ABCB1: variants seen among roughly 807,000 people sequenced by gnomAD.
ABCB1 encodes the protein ATP binding cassette subfamily B member 1.
In ABCB1, 69 loss-of-function variants were observed where a neutral mutation model predicts 142.0. The observed-to-expected ratio is 0.49, with a 90% confidence interval of 0.40 to 0.59. The LOEUF (loss-of-function observed/expected upper bound fraction) is 0.59, where lower values mean the gene tolerates loss of function less well. ABCB1 is among the 20% of genes least tolerant of loss of function. The probability of loss-of-function intolerance (pLI) is 0.00; values close to 1 mark genes in which losing one functional copy is unlikely to be tolerated. For missense variants in ABCB1, 1,326 were observed against 1,554.7 expected, an observed-to-expected ratio of 0.85 and a Z score of 2.47; for synonymous variants, 532 against 539.2, an observed-to-expected ratio of 0.99 and a Z score of 0.18.
chr7:87,642,315 T>C (rs958329702), intron 1 of ABCB1, among the ~76,000 whole-genome samples: 1 of 152,208 alleles, frequency 6.6e-6, no homozygotes, highest in South Asian at 2.1e-4. Flanking sequence ...CCATGAAGAC[T>C]ATATGTTATG....
At chr7:87,525,123 C>T (rs1008212488) in intron 21 of ABCB1, among the ~76,000 whole-genome samples, 1 of 152,044 alleles carries the variant, frequency 6.6e-6, no homozygotes, top group Non-Finnish European at 1.5e-5. Context: ...TAATTAGCAC[C>T]CCGCATCCTC....
At chr7:87,561,049 C>G (rs1410147675) in intron 8 of ABCB1, among the ~76,000 whole-genome samples, 4 of 152,038 alleles carry the variant, frequency 2.6e-5, no homozygotes, top group Non-Finnish European at 5.9e-5. Flanking sequence ...ATGTTATTGC[C>G]CATCTAGAAA....
chr7:87,545,114 A>T, intron 15 of ABCB1, 115 bp from the exon 16 acceptor site: 1 of 906,060 alleles, frequency 1.1e-6, no homozygotes, highest in Non-Finnish European at 1.7e-6. Context: ...AACTGCAGAA[A>T]AGGATAAAGC....
chr7:87,526,912 T>C (rs1447318304), intron 21 of ABCB1, among the ~76,000 whole-genome samples: 1 of 152,172 alleles, frequency 6.6e-6, no homozygotes, highest in Admixed American at 6.5e-5. Flanking sequence ...TACAAAACAG[T>C]AGAGTTAGCC....
intron 1 of ABCB1, among the ~76,000 whole-genome samples, chr7:87,684,297 T>C (rs1220814485): frequency 3.9e-5 from 6 of 152,204 alleles, no homozygotes; most frequent in African/African-American, 1.4e-4. Flanking sequence ...TCTCAAAGTT[T>C]TAGAAGGCTT....
At chr7:87,587,799 T>C (rs555978607) in intron 3 of ABCB1, among the ~76,000 whole-genome samples, 13 of 142,284 alleles carry the variant, frequency 9.1e-5, no homozygotes, top group African/African-American at 2.7e-4. Flanking sequence ...GGTGTGAACC[T>C]GGGAGGCGGA....
chr7:87,556,959 A>C (rs1429130175), intron 8 of ABCB1, among the ~76,000 whole-genome samples: 1 of 152,042 alleles, frequency 6.6e-6, no homozygotes, highest in East Asian at 1.9e-4. Context: ...GAAACTTGGA[A>C]GACTCTTCTT....
intron 1 of ABCB1, chr7:87,627,655 C>G (rs934734776): frequency 6.6e-6 from 1 of 152,284 alleles, no homozygotes; most frequent in African/African-American, 2.4e-5. Flanking sequence ...CTTCCGAACA[C>G]GCGCGTCGAG....
intron 1 of ABCB1, among the ~76,000 whole-genome samples, chr7:87,710,216 C>T (rs1583956108): frequency 6.6e-6 from 1 of 152,082 alleles, no homozygotes. Flanking sequence ...TGAGAGGGCT[C>T]ATTTTAATTA....
intron 8 of ABCB1, among the ~76,000 whole-genome samples, chr7:87,557,397 T>C (rs1258967897): frequency 2.0e-5 from 3 of 152,218 alleles, no homozygotes; most frequent in African/African-American, 4.8e-5. Context: ...AAATAAACTT[T>C]AAAGAAATGG....
intron 1 of ABCB1, among the ~76,000 whole-genome samples, chr7:87,695,405 G>A (rs1376114962): frequency 1.3e-5 from 2 of 152,036 alleles, no homozygotes; most frequent in African/African-American, 4.8e-5. Flanking sequence ...ACTTGGGATT[G>A]CTGCTACAAA....
At chr7:87,606,717 T>A (rs28381793) in intron 1 of ABCB1, among the ~76,000 whole-genome samples, 1 of 152,098 alleles carries the variant, frequency 6.6e-6, no homozygotes, top group Non-Finnish European at 1.5e-5. Context: ...GATAAAGATA[T>A]CAAAGTGTCA....
intron 1 of ABCB1, among the ~76,000 whole-genome samples, chr7:87,606,906 G>A (rs1230393556): frequency 1.3e-5 from 2 of 152,120 alleles, no homozygotes; most frequent in African/African-American, 4.8e-5. Flanking sequence ...TCTCAGTGGA[G>A]TTTGCTCCTT....
In ABCB1 at chr7:87,583,724, CTTAGT is replaced by C. The variant is rs550343398; in HGVS notation, c.286+1783_286+1787del. 3.6e-3 allele frequency among the ~76,000 whole-genome samples: 552 copies of C among 152,210 alleles called. 8 individuals are homozygous for C. The East Asian group carries it at 0.053, about 15-fold the overall frequency. On this transcript the variant is annotated intron_variant, in intron 4 of 27. Transcript: ENST00000622132. ...TTAAGTAAGTGAGTTTACTGTGTGT[CTTAGT>C]CCATTTGGGATGATATAACAAAATA...
chr7:87,652,621 G>GAGATATATATAT (rs374832268), intron 1 of ABCB1, among the ~76,000 whole-genome samples: 3 of 125,412 alleles, frequency 2.4e-5, no homozygotes, highest in African/African-American at 1.0e-4. Flanking sequence ...TGTGGTCACT[G>GAGATATATATAT]ATATATATAT....
At chr7:87,712,689 A>G (rs924803107) in intron 1 of ABCB1, among the ~76,000 whole-genome samples, 2 of 152,080 alleles carry the variant, frequency 1.3e-5, no homozygotes, top group African/African-American at 4.8e-5. Context: ...TTAAGTGTTA[A>G]CCATGCTTTT....
At chr7:87,565,423 C>T (rs1371545700) in intron 7 of ABCB1, 24 of 443,908 alleles carry the variant, frequency 5.4e-5, no homozygotes, top group Admixed American at 3.8e-4. Context: ...TCACTGGAAA[C>T]GTGTGCTGGG....
At chr7:87,632,449 A>G (rs889629247) in intron 1 of ABCB1, among the ~76,000 whole-genome samples, 2 of 152,144 alleles carry the variant, frequency 1.3e-5, no homozygotes, top group Non-Finnish European at 2.9e-5. Flanking sequence ...CATAGTCCTT[A>G]TTTCATCAGA....
At chr7:87,587,823 C>T (rs977081379) in intron 3 of ABCB1, among the ~76,000 whole-genome samples, 1 of 146,772 alleles carries the variant, frequency 6.8e-6, no homozygotes, top group African/African-American at 2.6e-5. Context: ...TGCAGTGAGC[C>T]GAGATCGCAC....
Sources: allele counts gnomAD v4.1 joint callset (sites outside exome capture counted in the v4.1 genomes callset), GRCh38; gene constraint gnomAD v4.1.1; transcripts MANE v1.5; gene names NCBI Gene and HGNC (gene_info 2026-07-23, HGNC 2026-07-21).